The following CEP112 variants were observed in gnomAD, a reference collection of about 807,000 sequenced individuals.
The protein encoded by CEP112 is centrosomal protein of 112 kDa.
CEP112 carries 127 observed loss-of-function variants against 153.0 expected under a neutral mutation model. The ratio of observed to expected loss-of-function variants is 0.83; its 90% CI spans 0.72 to 0.96. The LOEUF (loss-of-function observed/expected upper bound fraction) is 0.96, where lower values mean the gene tolerates loss of function less well. Among genes scored for constraint, CEP112 ranks in the 40% least tolerant of loss-of-function variants. The probability of loss-of-function intolerance (pLI) is 0.00; values close to 1 mark genes in which losing one functional copy is unlikely to be tolerated. For synonymous variants in CEP112, 358 were observed against 374.4 expected (o/e 0.96, Z 0.51); for missense variants, 1,089 against 1,101.2 (o/e 0.99, Z 0.16).
At chr17:66,037,956 C>T (rs912094340) in intron 12 of CEP112, among the ~76,000 whole-genome samples, 3 of 151,436 alleles carry the variant, frequency 2.0e-5, no homozygotes, top group African/African-American at 7.3e-5. Flanking sequence ...TGGACAAAAC[C>T]AATCTAGCTG....
intron 24 of CEP112, among the ~76,000 whole-genome samples, chr17:65,647,651 T>C (rs920848586): frequency 2.0e-5 from 3 of 151,720 alleles, no homozygotes; most frequent in Non-Finnish European, 4.4e-5. Context: ...TAATTTTTTT[T>C]TTTTTTTTCC....
intron 1 of CEP112, among the ~76,000 whole-genome samples, chr17:66,185,511 GCGCCC>G (rs2072892661): frequency 6.6e-6 from 1 of 152,170 alleles, no homozygotes; most frequent in South Asian, 2.1e-4. Context: ...ATGAGCCACT[GCGCCC>G]CGCCAAATTT....
chr17:65,895,610 T>C (rs1250070858), intron 20 of CEP112, among the ~76,000 whole-genome samples: 1 of 152,086 alleles, frequency 6.6e-6, no homozygotes, highest in Non-Finnish European at 1.5e-5. Flanking sequence ...TTTTTTGCCA[T>C]GTCCAAGTCT....
At chr17:66,044,274 A>C (rs1035704820) in intron 12 of CEP112, among the ~76,000 whole-genome samples, 2 of 151,852 alleles carry the variant, frequency 1.3e-5, no homozygotes, top group African/African-American at 4.8e-5. Context: ...ATATTTTACA[A>C]ATTTCCATTG....
intron 18 of CEP112, among the ~76,000 whole-genome samples, chr17:65,937,589 G>T (rs1199678119): frequency 1.9e-5 from 2 of 103,666 alleles, no homozygotes; most frequent in East Asian, 8.1e-4. Flanking sequence ...CCCCCCACCC[G>T]GCCAGCCGCC....
At chr17:65,945,740 A>C (rs7207288) in intron 18 of CEP112, among the ~76,000 whole-genome samples, 1 of 152,074 alleles carries the variant, frequency 6.6e-6, no homozygotes, top group African/African-American at 2.4e-5. Context: ...TCTGCCTCCC[A>C]GGTTCAAGTG....
At chr17:65,696,991 G>C (rs2048391812) in intron 23 of CEP112, among the ~76,000 whole-genome samples, 1 of 152,152 alleles carries the variant, frequency 6.6e-6, no homozygotes, top group Non-Finnish European at 1.5e-5. Context: ...AAGAGACCAG[G>C]GGGGTAGGAT....
chr17:65,971,169 ACAGCACATG>A (rs2144969622), intron 17 of CEP112, among the ~76,000 whole-genome samples: 1 of 55,094 alleles, frequency 1.8e-5, no homozygotes, highest in East Asian at 8.5e-3. Flanking sequence ...CATTACATGT[ACAGCACATG>A]TACAGCACAT....
At chr17:66,085,549 G>A (rs1160717755) in intron 8 of CEP112, among the ~76,000 whole-genome samples, 1 of 152,116 alleles carries the variant, frequency 6.6e-6, no homozygotes, top group Non-Finnish European at 1.5e-5. Context: ...ACTCTAAACA[G>A]CCTACATGCA....
At chr17:65,772,571 TTATTACAC>T (rs904985740) in intron 21 of CEP112, among the ~76,000 whole-genome samples, 31 of 141,536 alleles carry the variant, frequency 2.2e-4, no homozygotes, top group African/African-American at 7.9e-4. Context: ...ACCCCTCTAT[TTATTACAC>T]ACACACACAC....
chr17:65,841,038 T>C (rs755886388), intron 21 of CEP112, among the ~76,000 whole-genome samples: 14 of 152,194 alleles, frequency 9.2e-5, no homozygotes, highest in Admixed American at 4.6e-4. Context: ...TGAACACTAA[T>C]ACATTGTTAG....
chr17:65,881,297 C>T (rs1318958574), intron 20 of CEP112, among the ~76,000 whole-genome samples: 2 of 152,080 alleles, frequency 1.3e-5, no homozygotes, highest in African/African-American at 2.4e-5. Flanking sequence ...TGGAGGAATG[C>T]TACTTTTTTT....
chr17:65,971,541 T>C (rs934615989), intron 17 of CEP112, among the ~76,000 whole-genome samples: 8 of 152,196 alleles, frequency 5.3e-5, no homozygotes, highest in East Asian at 1.9e-4. Flanking sequence ...TAAATGTATG[T>C]TGCATGTATG....
chr17:66,012,352 G>A (rs1372727829), intron 16 of CEP112, among the ~76,000 whole-genome samples: 1 of 152,148 alleles, frequency 6.6e-6, no homozygotes, highest in Middle Eastern at 3.2e-3. Flanking sequence ...GTGTGTTTTT[G>A]TAGTGGCTGT....
intron 8 of CEP112, among the ~76,000 whole-genome samples, chr17:66,082,549 G>A (rs2067761894): frequency 6.6e-6 from 1 of 152,134 alleles, no homozygotes; most frequent in Admixed American, 6.5e-5. Flanking sequence ...GATCACTTTA[G>A]GTCAGGAGTT....
At chr17:65,879,726 C>A (rs2058987075) in intron 20 of CEP112, among the ~76,000 whole-genome samples, 1 of 150,774 alleles carries the variant, frequency 6.6e-6, no homozygotes, top group South Asian at 2.1e-4. Context: ...AAACAAGATG[C>A]TCTGAAAAAG....
At chr17:66,164,610 C>T (rs1016590656) in intron 4 of CEP112, among the ~76,000 whole-genome samples, 25 of 147,486 alleles carry the variant, frequency 1.7e-4, no homozygotes, top group African/African-American at 6.3e-4. Context: ...GTAATCCCAG[C>T]ACTTTGGGAG....
At chr17:65,731,319 A>G (rs531290535) in intron 23 of CEP112, among the ~76,000 whole-genome samples, 2 of 152,206 alleles carry the variant, frequency 1.3e-5, no homozygotes, top group African/African-American at 4.8e-5. Context: ...TAAAAAAGTC[A>G]TGTTTACACT....
intron 21 of CEP112, among the ~76,000 whole-genome samples, chr17:65,775,402 C>T (rs986202572): frequency 1.3e-5 from 2 of 152,158 alleles, no homozygotes; most frequent in African/African-American, 4.8e-5. Flanking sequence ...CAGGAAAGCA[C>T]AAGCATTTTT....
Sources: allele counts gnomAD v4.1 joint callset (sites outside exome capture counted in the v4.1 genomes callset), GRCh38; gene constraint gnomAD v4.1.1; transcripts MANE v1.5; gene names NCBI Gene and HGNC (gene_info 2026-07-23, HGNC 2026-07-21).